Variants in TACR3 observed in about 807,000 individuals in gnomAD.
The protein encoded by TACR3 is tachykinin receptor 3, also known as neuromedin-K receptor.
TACR3 carries 34 observed loss-of-function variants against 35.0 expected under a neutral mutation model. The ratio of observed to expected loss-of-function variants is 0.97; its 90% CI spans 0.74 to 1.30. The LOEUF (loss-of-function observed/expected upper bound fraction) is 1.30, where lower values mean the gene tolerates loss of function less well. Among genes scored for constraint, TACR3 ranks in the 50% most tolerant of loss-of-function variants. TACR3 has a pLI of 0.00. For synonymous variants in TACR3, 233 were observed against 221.1 expected (o/e 1.05, Z -0.48); for missense variants, 558 against 591.7 (o/e 0.94, Z 0.59).
At chr4:103,608,883 C>T (rs1370984908) in intron 3 of TACR3, among the ~76,000 whole-genome samples, 3 of 152,052 alleles carry the variant, frequency 2.0e-5, no homozygotes, top group Admixed American at 6.6e-5. Context: ...TTCTTAATAA[C>T]TAGTGCTCAG....
intron 3 of TACR3, among the ~76,000 whole-genome samples, chr4:103,639,050 G>C (rs1235327741): frequency 1.3e-5 from 2 of 152,118 alleles, no homozygotes; most frequent in African/African-American, 4.8e-5. Context: ...CAGGGATCTA[G>C]AGCTAGAAAT....
chr4:103,670,669 T>C (rs904906178), intron 1 of TACR3, among the ~76,000 whole-genome samples: 2 of 152,114 alleles, frequency 1.3e-5, no homozygotes, highest in Non-Finnish European at 2.9e-5. Flanking sequence ...TTTTGTATTG[T>C]CCAACTTTAT....
At position 103,656,348 on chromosome 4, in the gene TACR3, T is replaced by C. The variant is rs2110329627; in HGVS notation, c.738-4A>G. The C allele has an allele frequency of 1.2e-6, 2 of 1,611,862 alleles. No individual in the cohort carries two copies. The highest frequency in any genetic ancestry group is 1.7e-6 in the Non-Finnish European group (2 of 1,178,544). ...TATAATGACGATAATATGGTAACTATGAAAAATAAGAAAAACACATGCTGA... is the reference window on the plus strand; with the variant it reads ...TATAATGACGATAATATGGTAACTACGAAAAATAAGAAAAACACATGCTGA... On this transcript the variant is annotated splice_polypyrimidine_tract_variant and splice_region_variant and intron_variant, in intron 2 of 4. Coordinates refer to ENST00000304883, the MANE Select transcript of TACR3 (RefSeq NM_001059.3).
At chr4:103,605,890 G>A (rs1219652647) in intron 3 of TACR3, among the ~76,000 whole-genome samples, 2 of 152,136 alleles carry the variant, frequency 1.3e-5, no homozygotes, top group African/African-American at 2.4e-5. Flanking sequence ...TAGACATGAA[G>A]TCCTTGCCCA....
intron 1 of TACR3, among the ~76,000 whole-genome samples, chr4:103,698,056 G>A (rs903271821): frequency 4.6e-5 from 7 of 152,068 alleles, no homozygotes; most frequent in Non-Finnish European, 1.0e-4. Context: ...AAATACTACT[G>A]TCTTCAATAT....
At chr4:103,714,717 C>T (rs1487897659) in intron 1 of TACR3, among the ~76,000 whole-genome samples, 1 of 152,014 alleles carries the variant, frequency 6.6e-6, no homozygotes, top group Non-Finnish European at 1.5e-5. Context: ...AAGGATATTG[C>T]ACTTGGTACT....
intron 1 of TACR3, among the ~76,000 whole-genome samples, chr4:103,695,991 C>T (rs757776469): frequency 6.6e-6 from 1 of 151,980 alleles, no homozygotes; most frequent in African/African-American, 2.4e-5. Flanking sequence ...TTCTTTCTCC[C>T]TTTTTTTCTT....
chr4:103,646,199 C>T (rs555503338), intron 3 of TACR3, among the ~76,000 whole-genome samples: 11 of 152,084 alleles, frequency 7.2e-5, no homozygotes, highest in South Asian at 2.1e-4. Flanking sequence ...TCAACACAAG[C>T]GGAGGTTTGG....
intron 3 of TACR3, among the ~76,000 whole-genome samples, chr4:103,634,900 A>G (rs921409859): frequency 1.3e-5 from 2 of 152,072 alleles, no homozygotes; most frequent in Non-Finnish European, 2.9e-5. Flanking sequence ...TCTCTCAAGT[A>G]AGATAACACC....
chr4:103,689,005 T>C (rs1384695175), intron 1 of TACR3, among the ~76,000 whole-genome samples: 3 of 151,880 alleles, frequency 2.0e-5, no homozygotes, highest in Non-Finnish European at 2.9e-5. Context: ...AACACAAATG[T>C]CCAACAACGA....
At chr4:103,652,941 C>G (rs984139305) in intron 3 of TACR3, among the ~76,000 whole-genome samples, 2 of 151,750 alleles carry the variant, frequency 1.3e-5, no homozygotes, top group African/African-American at 4.8e-5. Context: ...AATATTTTGA[C>G]TTTAGATAAA....
intron 1 of TACR3, among the ~76,000 whole-genome samples, chr4:103,695,840 C>T (rs1722509871): frequency 6.6e-6 from 1 of 151,890 alleles, no homozygotes; most frequent in Admixed American, 6.6e-5. Context: ...GCCAAGAATT[C>T]TATCAGGAAT....
intron 4 of TACR3, 50 bp downstream of exon 4, chr4:103,591,437 A>G (rs761541172): frequency 1.9e-6 from 3 of 1,593,354 alleles, no homozygotes; most frequent in Non-Finnish European, 2.6e-6. Context: ...GTATGTTTCC[A>G]GTGAAGGTGG....
chr4:103,652,819 T>C (rs144119082), intron 3 of TACR3, among the ~76,000 whole-genome samples: 4 of 152,158 alleles, frequency 2.6e-5, no homozygotes, highest in African/African-American at 4.8e-5. Context: ...GGAGACAACA[T>C]ATGAATAAAT....
chr4:103,604,042 T>C (rs1426724571), intron 3 of TACR3, among the ~76,000 whole-genome samples: 1 of 152,196 alleles, frequency 6.6e-6, no homozygotes, highest in Non-Finnish European at 1.5e-5. Flanking sequence ...AAAACTATTT[T>C]AAATTTCATA....
chr4:103,660,454 T>C (rs570560589), intron 1 of TACR3, among the ~76,000 whole-genome samples: 1 of 152,116 alleles, frequency 6.6e-6, no homozygotes, highest in East Asian at 1.9e-4. Context: ...CTGTATAACA[T>C]AGTACCTATA....
At chr4:103,591,742 T>C in intron 3 of TACR3, 59 bp from the exon 4 acceptor site, 1 of 1,476,846 alleles carries the variant, frequency 6.8e-7, no homozygotes, top group Non-Finnish European at 9.2e-7. Context: ...TCCAATAGCT[T>C]ATTGCAAATC....
chr4:103,662,882 C>T (rs1019735976), intron 1 of TACR3, among the ~76,000 whole-genome samples: 1 of 152,102 alleles, frequency 6.6e-6, no homozygotes, highest in Non-Finnish European at 1.5e-5. Context: ...AAACTTCCAG[C>T]CACCAGAACA....
chr4:103,709,718 G>T (rs1722894501), intron 1 of TACR3, among the ~76,000 whole-genome samples: 1 of 152,072 alleles, frequency 6.6e-6, no homozygotes, highest in African/African-American at 2.4e-5. Flanking sequence ...TGGCAAACTG[G>T]ATAAAGAGTC....
Sources: allele counts gnomAD v4.1 joint callset (sites outside exome capture counted in the v4.1 genomes callset), GRCh38; gene constraint gnomAD v4.1.1; transcripts MANE v1.5; gene names NCBI Gene and HGNC (gene_info 2026-07-23, HGNC 2026-07-21).